The following HAPLN1 variants were observed in gnomAD, a reference collection of about 807,000 sequenced individuals.
The protein encoded by HAPLN1 is hyaluronan and proteoglycan link protein 1, also known as Cartilage link protein.
Under a neutral mutation model 36.5 loss-of-function variants are expected in HAPLN1, and 13 were observed. The observed-to-expected ratio is 0.36, with a 90% CI of 0.23 to 0.57. The LOEUF (loss-of-function observed/expected upper bound fraction) is 0.57, where lower values mean the gene tolerates loss of function less well. Among genes scored for constraint, HAPLN1 ranks in the 20% least tolerant of loss-of-function variants. The pLI, the probability that HAPLN1 is intolerant of heterozygous loss-of-function variation, is 0.83. For missense variants in HAPLN1, 407 were observed against 439.7 expected (o/e 0.93, Z 0.66); for synonymous variants, 202 against 169.8 (o/e 1.19, Z -1.48).
chr5:83,672,854 T>C (rs1005323521), intron 2 of HAPLN1, among the ~76,000 whole-genome samples: 3 of 152,180 alleles, frequency 2.0e-5, no homozygotes, highest in Non-Finnish European at 2.9e-5. Context: ...ATAGCTGCAT[T>C]GTACTGCAGC....
intron 1 of HAPLN1, among the ~76,000 whole-genome samples, chr5:83,696,283 T>C (rs992875152): frequency 3.3e-5 from 5 of 152,132 alleles, no homozygotes; most frequent in African/African-American, 4.8e-5. Context: ...CAAGATATGG[T>C]ATTTTCATAA....
chr5:83,706,735 A>G (rs1415181652), intron 1 of HAPLN1, among the ~76,000 whole-genome samples: 14 of 152,344 alleles, frequency 9.2e-5, no homozygotes, highest in Admixed American at 4.6e-4. Flanking sequence ...AGCCACAGCA[A>G]TCAGGCAAGA....
At chr5:83,683,557 T>C (rs1751052476) in intron 1 of HAPLN1, among the ~76,000 whole-genome samples, 1 of 152,210 alleles carries the variant, frequency 6.6e-6, no homozygotes, top group Non-Finnish European at 1.5e-5. Flanking sequence ...CTGAGGATAA[T>C]GTGACCTTTG....
chr5:83,686,376 A>G (rs1325689697), intron 1 of HAPLN1, among the ~76,000 whole-genome samples: 2 of 152,128 alleles, frequency 1.3e-5, no homozygotes, highest in Non-Finnish European at 2.9e-5. Context: ...GTCAAATAGA[A>G]TCAGTTCTAG....
intron 1 of HAPLN1, among the ~76,000 whole-genome samples, chr5:83,714,591 G>A (rs1044043509): frequency 1.3e-5 from 2 of 152,006 alleles, no homozygotes; most frequent in African/African-American, 4.8e-5. Context: ...TTACATACCT[G>A]AGAAAATATT....
intron 2 of HAPLN1, among the ~76,000 whole-genome samples, chr5:83,671,157 C>T (rs1055616356): frequency 1.3e-5 from 2 of 152,150 alleles, no homozygotes; most frequent in Admixed American, 6.5e-5. Context: ...TGAGCTTCTG[C>T]ATCAAGGCAG....
intron 1 of HAPLN1, among the ~76,000 whole-genome samples, chr5:83,702,334 C>A (rs1751526575): frequency 6.6e-6 from 1 of 152,160 alleles, no homozygotes; most frequent in African/African-American, 2.4e-5. Context: ...TTTCAGTCAT[C>A]ATTTTTCTTT....
intron 1 of HAPLN1, among the ~76,000 whole-genome samples, chr5:83,695,669 T>A (rs1283459765): frequency 6.8e-6 from 1 of 148,034 alleles, no homozygotes; most frequent in Non-Finnish European, 1.5e-5. Flanking sequence ...TATATCTATA[T>A]GTATTTATAT....
At chr5:83,652,378 G>C (rs1446343236) in intron 3 of HAPLN1, 75 bp downstream of exon 3, 1 of 1,438,872 alleles carries the variant, frequency 6.9e-7, no homozygotes, top group Non-Finnish European at 9.4e-7. Flanking sequence ...TTAACCACTA[G>C]ACATTACTCT....
chr5:83,701,228 A>G (rs1751500130), intron 1 of HAPLN1, among the ~76,000 whole-genome samples: 1 of 152,248 alleles, frequency 6.6e-6, no homozygotes, highest in African/African-American at 2.4e-5. Flanking sequence ...AATGCTTTGC[A>G]TTTAGAAATA....
chr5:83,701,783 CA>C (rs1340035222), intron 1 of HAPLN1, among the ~76,000 whole-genome samples: 1 of 151,990 alleles, frequency 6.6e-6, no homozygotes, highest in Non-Finnish European at 1.5e-5. Context: ...ACTAAAAGTA[CA>C]AAAAATTAGC....
At chr5:83,643,598 C>T (rs1749767809) in intron 4 of HAPLN1, among the ~76,000 whole-genome samples, 1 of 151,920 alleles carries the variant, frequency 6.6e-6, no homozygotes, top group African/African-American at 2.4e-5. Context: ...CATTTTCTTT[C>T]CTTTTTTTTT....
At chr5:83,657,474 A>G (rs980730975) in intron 2 of HAPLN1, among the ~76,000 whole-genome samples, 4 of 152,186 alleles carry the variant, frequency 2.6e-5, no homozygotes, top group African/African-American at 9.7e-5. Context: ...ATGGGAAACA[A>G]TGACATTACA....
chr5:83,654,323 G>A (rs1441876685), intron 2 of HAPLN1, among the ~76,000 whole-genome samples: 1 of 152,112 alleles, frequency 6.6e-6, no homozygotes, highest in African/African-American at 2.4e-5. Flanking sequence ...ACTTAGTTAA[G>A]AGGAATCACA....
intron 1 of HAPLN1, among the ~76,000 whole-genome samples, chr5:83,707,503 A>C (rs1226150502): frequency 2.0e-5 from 3 of 152,222 alleles, no homozygotes; most frequent in Non-Finnish European, 2.9e-5. Context: ...CTATACAATA[A>C]GTGGTGCTGG....
chr5:83,640,510 G>T lies in HAPLN1; in HGVS notation c.*986C>A, dbSNP rs1002088204. ...GTTGCATCTTTGTTTCTGCATTAGGGATTCCTTTTATAATGTAATTGATTT... is the reference window on the plus strand; with the variant it reads ...GTTGCATCTTTGTTTCTGCATTAGGTATTCCTTTTATAATGTAATTGATTT... On this transcript the variant is annotated 3_prime_UTR_variant, in exon 5 of 5. Coordinates refer to ENST00000274341, the MANE Select transcript of HAPLN1 (RefSeq NM_001884.4). The T allele has an allele frequency of 6.6e-6, 1 of 152,022 alleles. No homozygotes were observed. Among genetic ancestry groups the T allele is most frequent in the African/African-American group, 2.4e-5 (1 of 41,372 alleles). 9.4% of individuals were successfully genotyped at this position (152,022 alleles called of 1,614,324 possible).
intron 2 of HAPLN1, among the ~76,000 whole-genome samples, chr5:83,662,917 G>A (rs1377473570): frequency 6.6e-6 from 1 of 152,222 alleles, no homozygotes; most frequent in African/African-American, 2.4e-5. Flanking sequence ...CATCACAGGA[G>A]TCAATCCTAG....
intron 1 of HAPLN1, among the ~76,000 whole-genome samples, chr5:83,691,259 A>G (rs1238446784): frequency 2.0e-5 from 3 of 152,042 alleles, no homozygotes; most frequent in Admixed American, 1.3e-4. Flanking sequence ...AAGGCAGAAT[A>G]ATAGAAATGA....
rs1356951177 is a variant in HAPLN1, at chr5:83,640,790, G to A, written c.*706C>T. 6.6e-6 allele frequency: 1 copy of A among 152,032 alleles called. No individual in the cohort carries two copies. The highest frequency in any genetic ancestry group is 1.5e-5 in the Non-Finnish European group (1 of 67,996). 9.4% of individuals were successfully genotyped at this position (152,032 alleles called of 1,614,324 possible). A position where few individuals can be genotyped will look rare whatever the true frequency, so the allele number is the denominator to read the frequency against. The stretch of plus-strand genomic sequence containing the variant: ...ACATGTGTAATTTTAATTATAAGAA[G>A]GTAGAAGTCTTTTTCATTGGTTAAA... On this transcript the variant is annotated 3_prime_UTR_variant, in exon 5 of 5. Transcript: ENST00000274341.
Sources: gnomAD v4.1 joint callset for allele counts (sites outside exome capture counted in the v4.1 genomes callset) on GRCh38, gnomAD v4.1.1 for gene constraint, MANE v1.5 for transcripts, NCBI Gene and HGNC (gene_info 2026-07-23, HGNC 2026-07-21) for gene names.